DHRSX: variants seen among roughly 807,000 people sequenced by gnomAD.
The protein encoded by DHRSX is polyprenol dehydrogenase.
A neutral mutation model predicts 34.0 loss-of-function variants in DHRSX; 31 were observed. The observed-to-expected ratio is 0.91, with a 90% confidence interval of 0.69 to 1.23. The LOEUF is 1.23. Ranked by LOEUF, DHRSX falls within the 50% of genes most tolerant of loss-of-function variation. The pLI is 0.00. For synonymous variants in DHRSX, 201 were observed against 183.8 expected (o/e 1.09, Z -0.76); for missense variants, 414 against 428.1 (o/e 0.97, Z 0.29).
In DHRSX at chrX:2,260,440, G is replaced by C. The variant is rs373637107; in HGVS notation, c.596+6300C>G. 4.0e-5 allele frequency among the ~76,000 whole-genome samples: 6 copies of C among 150,424 alleles called. 1 individual carries two copies. The highest frequency in any genetic ancestry group is 1.5e-4 in the African/African-American group (6 of 40,346). On this transcript the variant is annotated intron_variant, in intron 5 of 6. Coordinates refer to ENST00000334651, the MANE Select transcript of DHRSX (RefSeq NM_145177.3). Reference sequence around the variant, plus strand: ...CATGTGGCCTTCTCTGTGTCTCTCTGTCTCCAAATTTTCTACTTCATTTTT... The same window carrying C: ...CATGTGGCCTTCTCTGTGTCTCTCTCTCTCCAAATTTTCTACTTCATTTTT...
At position 2,299,222 on chromosome X, in the gene DHRSX, G is replaced by A. The variant is rs192799059; in HGVS notation, c.287-7619C>T. Among the ~76,000 whole-genome samples, 10 of 152,230 alleles carry A rather than the reference G, an allele frequency of 6.6e-5. No individual in the cohort carries two copies. The East Asian group carries it at 1.7e-3, about 26-fold the overall frequency. ...AAATTATCGAGAGAAGATAAGATGT[G>A]CTTTTCACAGTAACCCTAAGGAACT... On this transcript the variant is annotated intron_variant, in intron 3 of 6. Transcript: ENST00000334651.
intron 3 of DHRSX, among the ~76,000 whole-genome samples, chrX:2,338,479 G>A (rs2042598269): frequency 6.6e-6 from 1 of 151,952 alleles, no homozygotes; most frequent in Admixed American, 6.6e-5. Flanking sequence ...AAGCCTCAGT[G>A]CTGGATGGGA....
intron 2 of DHRSX, among the ~76,000 whole-genome samples, chrX:2,422,774 T>TA (rs1298880046): frequency 6.6e-6 from 1 of 151,738 alleles, no homozygotes; most frequent in Non-Finnish European, 1.5e-5. Context: ...CAAGACCCAG[T>TA]ATCTCCAAAA....
chrX:2,221,562 T>C (rs1397681466), intron 6 of DHRSX, among the ~76,000 whole-genome samples: 1 of 152,178 alleles, frequency 6.6e-6, no homozygotes, highest in Non-Finnish European at 1.5e-5. Context: ...ATTAATTGAC[T>C]AGAAGCAGAT....
intron 1 of DHRSX, among the ~76,000 whole-genome samples, chrX:2,434,466 C>G (rs1400961245): frequency 6.6e-6 from 1 of 152,050 alleles, no homozygotes; most frequent in Non-Finnish European, 1.5e-5. Flanking sequence ...GCTAGGAGCA[C>G]GAGGCCCAGC....
chrX:2,296,369 G>T (rs989435221), intron 3 of DHRSX, among the ~76,000 whole-genome samples: 1 of 152,160 alleles, frequency 6.6e-6, no homozygotes, highest in African/African-American at 2.4e-5. Flanking sequence ...GGGAAAAAGA[G>T]AAAAGAAGAA....
intron 3 of DHRSX, among the ~76,000 whole-genome samples, chrX:2,314,884 G>C (rs2042223760): frequency 6.6e-6 from 1 of 152,132 alleles, no homozygotes; most frequent in Admixed American, 6.6e-5. Context: ...TAGGCCAGGT[G>C]CGGTGGCTCA....
intron 3 of DHRSX, among the ~76,000 whole-genome samples, chrX:2,393,217 T>C (rs2043356622): frequency 6.6e-6 from 1 of 150,912 alleles, no homozygotes. Context: ...GTGTATACAA[T>C]AAATATATGA....
intron 5 of DHRSX, among the ~76,000 whole-genome samples, chrX:2,260,101 C>T (rs1291686055): frequency 6.4e-5 from 9 of 141,378 alleles, no homozygotes; most frequent in South Asian, 4.7e-4. Context: ...CCTGTGGCTG[C>T]ATCACTCCAG....
chrX:2,323,979 C>A (rs186989773), intron 3 of DHRSX, among the ~76,000 whole-genome samples: 19 of 150,842 alleles, frequency 1.3e-4, no homozygotes, highest in Admixed American at 1.3e-3. Context: ...ATCACCTGAG[C>A]CTCGGAAGTT....
At chrX:2,444,010 GAAAA>G (rs569503260) in intron 1 of DHRSX, among the ~76,000 whole-genome samples, 1 of 102,272 alleles carries the variant, frequency 9.8e-6, no homozygotes, top group Admixed American at 1.0e-4. Flanking sequence ...GTCTCAAAAA[GAAAA>G]AAAAAAAAAA....
At chrX:2,235,174 T>C (rs2015983783) in intron 6 of DHRSX, among the ~76,000 whole-genome samples, 1 of 152,202 alleles carries the variant, frequency 6.6e-6, no homozygotes, top group East Asian at 1.9e-4. Flanking sequence ...ACAACTCAGA[T>C]ACTGAAAGTC....
At chrX:2,442,534 A>G (rs1288488769) in intron 1 of DHRSX, among the ~76,000 whole-genome samples, 1 of 152,020 alleles carries the variant, frequency 6.6e-6, no homozygotes, top group Non-Finnish European at 1.5e-5. Context: ...TATGCAACAC[A>G]CTGGCCATCA....
chrX:2,228,741 T>TA (rs2015795702), intron 6 of DHRSX, among the ~76,000 whole-genome samples: 1 of 152,052 alleles, frequency 6.6e-6, no homozygotes, highest in African/African-American at 2.4e-5. Context: ...TCCTTTTTGT[T>TA]AGAGCTCCTG....
chrX:2,381,136 G>A (rs1031481708), intron 3 of DHRSX, among the ~76,000 whole-genome samples: 1 of 152,164 alleles, frequency 6.6e-6, no homozygotes, highest in African/African-American at 2.4e-5. Flanking sequence ...AAAGTGCTGG[G>A]ATTACAGGCG....
chrX:2,267,321 A>T (rs2041488547), intron 4 of DHRSX, among the ~76,000 whole-genome samples: 1 of 152,156 alleles, frequency 6.6e-6, no homozygotes, highest in South Asian at 2.1e-4. Context: ...AGGCGGGTGG[A>T]TCATCTGAGG....
chrX:2,339,639 G>A (rs1288810276), intron 3 of DHRSX, among the ~76,000 whole-genome samples: 1 of 152,072 alleles, frequency 6.6e-6, no homozygotes, highest in Non-Finnish European at 1.5e-5. Flanking sequence ...AACAGACGAT[G>A]TTTGGTTTTC....
chrX:2,283,326 G>C (rs888021063), intron 4 of DHRSX, among the ~76,000 whole-genome samples: 37 of 152,108 alleles, frequency 2.4e-4, no homozygotes, highest in Non-Finnish European at 5.3e-4. Flanking sequence ...CATCGGGAGA[G>C]GCAGAGGAAA....
chrX:2,377,626 G>A (rs370953204), intron 3 of DHRSX, among the ~76,000 whole-genome samples: 2 of 152,120 alleles, frequency 1.3e-5, no homozygotes, highest in African/African-American at 2.4e-5. Flanking sequence ...GCTAGCTAGC[G>A]AAGGAAGCCA....
Sources: gnomAD v4.1 joint callset for allele counts (sites outside exome capture counted in the v4.1 genomes callset) on GRCh38, gnomAD v4.1.1 for gene constraint, MANE v1.5 for transcripts, NCBI Gene and HGNC (gene_info 2026-07-23, HGNC 2026-07-21) for gene names.